RBM20: variants seen among roughly 807,000 people sequenced by gnomAD.
RBM20 encodes RNA binding motif protein 20.
Under a neutral mutation model 110.1 loss-of-function variants are expected in RBM20, and 51 were observed. That is an observed-to-expected ratio of 0.46 (90% CI 0.37 to 0.59). The LOEUF is 0.59. Ranked by LOEUF, RBM20 falls within the 20% of genes least tolerant of loss-of-function variation. RBM20 has a pLI of 0.00. For synonymous variants in RBM20, 589 were observed against 618.2 expected (o/e 0.95, Z 0.70); for missense variants, 1,512 against 1,574.9 (o/e 0.96, Z 0.68).
At chr10:110,699,676 C>G (rs996645245) in intron 1 of RBM20, among the ~76,000 whole-genome samples, 18 of 152,248 alleles carry the variant, frequency 1.2e-4, no homozygotes, top group African/African-American at 4.1e-4. Context: ...GGTGGTCCCC[C>G]CTTATCCATG....
At chr10:110,705,637 A>G (rs1274564011) in intron 1 of RBM20, among the ~76,000 whole-genome samples, 1 of 152,252 alleles carries the variant, frequency 6.6e-6, no homozygotes, top group Non-Finnish European at 1.5e-5. Flanking sequence ...TGTAAATACC[A>G]TGCTTATGAA....
At chr10:110,776,134 GC>G (rs1230710961) in intron 1 of RBM20, among the ~76,000 whole-genome samples, 2 of 152,128 alleles carry the variant, frequency 1.3e-5, no homozygotes, top group Non-Finnish European at 2.9e-5. Context: ...CGTTGCTTGG[GC>G]CCCTATTTGT....
chr10:110,782,040 C>A (rs1356154079), intron 2 of RBM20, among the ~76,000 whole-genome samples, 156 bp downstream of exon 2: 4 of 152,192 alleles, frequency 2.6e-5, no homozygotes, highest in Admixed American at 6.5e-5. Context: ...GGTATTAGGA[C>A]CCATAGGAAT....
intron 1 of RBM20, among the ~76,000 whole-genome samples, chr10:110,661,838 C>T (rs1270367015): frequency 6.6e-6 from 1 of 151,932 alleles, no homozygotes; most frequent in Admixed American, 6.6e-5. Flanking sequence ...GGCAAAACCC[C>T]GTCTCTACTA....
intron 9 of RBM20, 108 bp downstream of exon 9, chr10:110,813,055 C>A: frequency 2.5e-6 from 2 of 795,876 alleles, no homozygotes; most frequent in African/African-American, 1.7e-5. Flanking sequence ...CATTTACTGG[C>A]TATTTACTAT....
At chr10:110,722,060 G>A (rs1398346395) in intron 1 of RBM20, among the ~76,000 whole-genome samples, 1 of 152,112 alleles carries the variant, frequency 6.6e-6, no homozygotes, top group African/African-American at 2.4e-5. Context: ...AGGGGATGAT[G>A]TAGTTTAGAG....
At chr10:110,749,313 G>A (rs1447255194) in intron 1 of RBM20, among the ~76,000 whole-genome samples, 1 of 152,168 alleles carries the variant, frequency 6.6e-6, no homozygotes, top group Non-Finnish European at 1.5e-5. Flanking sequence ...CAGTGTCCAT[G>A]TACAGAAAGC....
intron 1 of RBM20, among the ~76,000 whole-genome samples, chr10:110,764,593 C>T (rs141826143): frequency 6.6e-6 from 1 of 152,248 alleles, no homozygotes; most frequent in South Asian, 2.1e-4. Flanking sequence ...CGTGCTCAGG[C>T]ACTGCTCTTT....
intron 1 of RBM20, among the ~76,000 whole-genome samples, chr10:110,688,177 G>A (rs530592741): frequency 6.6e-6 from 1 of 152,270 alleles, no homozygotes; most frequent in East Asian, 1.9e-4. Flanking sequence ...CTTATCTGCA[G>A]TTTTGAAATA....
intron 9 of RBM20, among the ~76,000 whole-genome samples, chr10:110,816,225 G>C (rs1434782041): frequency 2.0e-5 from 3 of 150,476 alleles, no homozygotes; most frequent in Non-Finnish European, 4.4e-5. Flanking sequence ...TACTGTCCCT[G>C]GCCACTGCAC....
Position 110,784,450 on chromosome 10 carries a change from G to T in RBM20, c.1429+18G>T, listed in dbSNP as rs1844395426. On this transcript the variant is annotated intron_variant, in intron 4 of 13. Coordinates refer to ENST00000369519, the MANE Select transcript of RBM20 (RefSeq NM_001134363.3). ...GAATGAAGGTGAGCAAGGCCCTACAGGTCAGCAGCTTGAAGCAGAAGTGGG... is the reference window on the plus strand; with the variant it reads ...GAATGAAGGTGAGCAAGGCCCTACATGTCAGCAGCTTGAAGCAGAAGTGGG... 6.5e-7 allele frequency: 1 copy of T among 1,540,770 alleles called. No individual in the cohort carries two copies. Among genetic ancestry groups the T allele is most frequent in the Non-Finnish European group, 8.8e-7 (1 of 1,137,306 alleles).
chr10:110,729,369 T>G (rs1181883400), intron 1 of RBM20, among the ~76,000 whole-genome samples: 1 of 152,232 alleles, frequency 6.6e-6, no homozygotes, highest in African/African-American at 2.4e-5. Flanking sequence ...TTCCTGCCTC[T>G]CCTTCTCACC....
rs545234974 is a variant in RBM20 at position 110,711,201 on chromosome 10, G to A, written c.191+66556G>A. 9.9e-5 allele frequency among the ~76,000 whole-genome samples: 15 copies of A among 151,744 alleles called. No individual in the cohort carries two copies. The East Asian group carries it at 2.7e-3, about 28-fold the overall frequency. ...AAAAATTAGCTGGGCGTGGTGGTGG[G>A]CACCTGTAATCCCAGCTGCTCGGGA... On this transcript the variant is annotated intron_variant, in intron 1 of 13. Coordinates refer to ENST00000369519, the MANE Select transcript of RBM20 (RefSeq NM_001134363.3).
intron 12 of RBM20, among the ~76,000 whole-genome samples, chr10:110,827,418 A>C (rs573767576): frequency 9.9e-5 from 15 of 151,654 alleles, no homozygotes; most frequent in East Asian, 5.8e-4. Flanking sequence ...AAAAAAAAAA[A>C]CTCAGGATTT....
At chr10:110,647,941 T>C (rs1488616159) in intron 1 of RBM20, among the ~76,000 whole-genome samples, 2 of 152,170 alleles carry the variant, frequency 1.3e-5, no homozygotes, top group Admixed American at 1.3e-4. Context: ...CCACTAGCCA[T>C]GGAGGAAAGA....
intron 1 of RBM20, among the ~76,000 whole-genome samples, chr10:110,657,169 A>G (rs1862038073): frequency 6.6e-6 from 1 of 152,008 alleles, no homozygotes; most frequent in African/African-American, 2.4e-5. Flanking sequence ...GGCCCATGCC[A>G]CCACGCCTGG....
intron 7 of RBM20, among the ~76,000 whole-genome samples, chr10:110,800,363 G>A (rs1339410228): frequency 6.6e-6 from 1 of 152,210 alleles, no homozygotes; most frequent in Non-Finnish European, 1.5e-5. Flanking sequence ...GTCCTTCTAA[G>A]CAGCCCTTGG....
intron 1 of RBM20, among the ~76,000 whole-genome samples, chr10:110,746,203 G>C (rs192839217): frequency 6.6e-6 from 1 of 152,162 alleles, no homozygotes; most frequent in Admixed American, 6.5e-5. Context: ...TCTTCCAAGA[G>C]GGTGAGGGGC....
rs2135051286 is a variant in RBM20 at position 110,784,907 on chromosome 10, T to G, written c.1527+18T>G. ...GGACAACTGTGAGTACGGAAACATT[T>G]TCTCTAGAAATTAATGAAAATGATT... On this transcript the variant is annotated intron_variant, in intron 5 of 13. Transcript: ENST00000369519. 2.9e-6 allele frequency: 4 copies of G among 1,365,318 alleles called. No homozygotes were observed. Among genetic ancestry groups the G allele is most frequent in the Non-Finnish European group, 4.1e-6 (4 of 987,392 alleles). The allele number at this position is 1,365,318 out of a possible 1,614,324, so 84.6% of individuals were successfully genotyped here. A position where few individuals can be genotyped will look rare whatever the true frequency, so the allele number is the denominator to read the frequency against.
Sources: allele counts gnomAD v4.1 joint callset (sites outside exome capture counted in the v4.1 genomes callset), GRCh38; gene constraint gnomAD v4.1.1; transcripts MANE v1.5; gene names NCBI Gene and HGNC (gene_info 2026-07-23, HGNC 2026-07-21).